Variants in SLCO1B1 observed in about 807,000 individuals in gnomAD.
SLCO1B1 encodes the protein OATP-2.
In SLCO1B1, 81 loss-of-function variants were observed where a neutral mutation model predicts 70.1. The ratio of observed to expected loss-of-function variants is 1.16; its 90% CI spans 0.97 to 1.39. SLCO1B1 has a LOEUF of 1.39. SLCO1B1 is among the 40% of genes most tolerant of loss of function. SLCO1B1 has a pLI of 0.00. For synonymous variants in SLCO1B1, 283 were observed against 271.5 expected (o/e 1.04, Z -0.42); for missense variants, 895 against 799.6 (o/e 1.12, Z -1.44).
chr12:21,176,215 A>C (rs142173786), intron 4 of SLCO1B1, among the ~76,000 whole-genome samples: 2 of 152,276 alleles, frequency 1.3e-5, no homozygotes, highest in Non-Finnish European at 2.9e-5. Context: ...GAAGCTTAGC[A>C]TAATGCCTGG....
intron 2 of SLCO1B1, among the ~76,000 whole-genome samples, chr12:21,160,825 C>T (rs949577580): frequency 6.6e-5 from 10 of 151,934 alleles, no homozygotes; most frequent in Middle Eastern, 3.4e-3. Context: ...GAAAAACAAA[C>T]GGCCTCATTA....
At chr12:21,134,729 T>A (rs1318341477) in intron 1 of SLCO1B1, among the ~76,000 whole-genome samples, 1 of 152,200 alleles carries the variant, frequency 6.6e-6, no homozygotes, top group African/African-American at 2.4e-5. Flanking sequence ...TCTGTTTTCT[T>A]CTTTATTAGT....
chr12:21,136,522 G>T (rs1406820060), intron 1 of SLCO1B1, among the ~76,000 whole-genome samples: 2 of 152,156 alleles, frequency 1.3e-5, no homozygotes, highest in Non-Finnish European at 2.9e-5. Context: ...TGGAGGCTTT[G>T]TTCGTTTCTT....
Position 21,174,635 on chromosome 12 carries a change from G to T in SLCO1B1, c.285G>T (p.Lys95Asn). ...TTGGATCCAAACTACATAGACCAAA[G>T]TTAATTGGAATCGGTTGTTTCATTA... ...SYFGSKLHRP[K>N]LIGIGCFIMG... is the part of the protein sequence containing the mutation. Residue 95 changes from lysine (K) to asparagine (N), a missense_variant, in exon 4 of 15, where the codon AAG becomes AAT. Coordinates refer to ENST00000256958, the MANE Select transcript of SLCO1B1 (RefSeq NM_006446.5). The T allele has an allele frequency of 1.9e-6, 3 of 1,610,622 alleles. No homozygotes were observed. The highest frequency in any genetic ancestry group is 2.5e-6 in the Non-Finnish European group (3 of 1,178,508).
At chr12:21,236,438 T>C (rs1941596198) in intron 14 of SLCO1B1, among the ~76,000 whole-genome samples, 1 of 151,988 alleles carries the variant, frequency 6.6e-6, no homozygotes, top group African/African-American at 2.4e-5. Flanking sequence ...GCACCAACAG[T>C]ATGGCACATC....
In SLCO1B1 at chr12:21,202,615, CT is replaced by C; in HGVS notation, c.1264del (p.Tyr422ThrfsTer17). 1 of 1,612,656 alleles carries C rather than the reference CT, an allele frequency of 6.2e-7. No homozygotes were observed. On this transcript the variant is annotated frameshift_variant, in exon 10 of 15. Coordinates refer to ENST00000256958, the MANE Select transcript of SLCO1B1 (RefSeq NM_006446.5). LOFTEE classifies it high-confidence loss of function. Reference sequence around the variant, plus strand: ...GTTTTACTGCTGTGATGTCATTGTCCTTTTACCTATTATATTTTTTCATACT... The same window carrying C: ...GTTTTACTGCTGTGATGTCATTGTCCTTTACCTATTATATTTTTTCATACT... ...SCFTAVMSLS[F>X]YLLYFFILCE...
chr12:21,207,219 G>A (rs750189693), intron 11 of SLCO1B1, among the ~76,000 whole-genome samples: 1 of 151,904 alleles, frequency 6.6e-6, no homozygotes, highest in Non-Finnish European at 1.5e-5. Flanking sequence ...AAAGTTTAGG[G>A]TACAATCATT....
intron 7 of SLCO1B1, among the ~76,000 whole-genome samples, chr12:21,191,555 T>C (rs765843684): frequency 2.6e-5 from 4 of 152,102 alleles, no homozygotes; most frequent in Non-Finnish European, 4.4e-5. Context: ...GGGTTTTCTA[T>C]ATACAAAATC....
In SLCO1B1 at chr12:21,176,761, G is replaced by C. The variant is rs886049144; in HGVS notation, c.360-15G>C. 3 of 1,514,392 alleles carry C rather than the reference G, an allele frequency of 2.0e-6. No individual in the cohort carries two copies. Among genetic ancestry groups the C allele is most frequent in the Non-Finnish European group, 1.8e-6 (2 of 1,091,804 alleles). 93.8% of individuals were successfully genotyped at this position (1,514,392 alleles called of 1,614,324 possible). On this transcript the variant is annotated splice_polypyrimidine_tract_variant and intron_variant, in intron 4 of 14. Coordinates refer to ENST00000256958, the MANE Select transcript of SLCO1B1 (RefSeq NM_006446.5). ...GTAGATAAGCAAAATGTTTAATTCAGTGATGTTCTTACAGTTACAGGTATT... is the reference window on the plus strand; with the variant it reads ...GTAGATAAGCAAAATGTTTAATTCACTGATGTTCTTACAGTTACAGGTATT...
chr12:21,200,977 C>T (rs4149067), intron 9 of SLCO1B1, among the ~76,000 whole-genome samples: 1 of 151,750 alleles, frequency 6.6e-6, no homozygotes, highest in Non-Finnish European at 1.5e-5. Context: ...TGAGACAAAC[C>T]CTTTTGTAAT....
intron 11 of SLCO1B1, among the ~76,000 whole-genome samples, chr12:21,216,007 A>G (rs1941353622): frequency 6.6e-6 from 1 of 152,172 alleles, no homozygotes; most frequent in African/African-American, 2.4e-5. Flanking sequence ...CTCTTTGCAC[A>G]CTAGCGAAGG....
chr12:21,139,698 C>T (rs986260818), intron 1 of SLCO1B1, among the ~76,000 whole-genome samples: 1 of 152,122 alleles, frequency 6.6e-6, no homozygotes, highest in African/African-American at 2.4e-5. Context: ...CTTTCATGGG[C>T]ATTCACATGC....
chr12:21,189,423 C>G (rs1012280487), intron 7 of SLCO1B1, among the ~76,000 whole-genome samples: 1 of 151,316 alleles, frequency 6.6e-6, no homozygotes, highest in African/African-American at 2.4e-5. Context: ...AATTTCTATT[C>G]AGGTATGTAG....
chr12:21,188,081 A>G (rs1346384950), intron 7 of SLCO1B1, among the ~76,000 whole-genome samples: 1 of 152,202 alleles, frequency 6.6e-6, no homozygotes, highest in Non-Finnish European at 1.5e-5. Flanking sequence ...AAACTAAAGC[A>G]TGTGTTGGAA....
At chr12:21,164,610 A>G (rs1303057325) in intron 2 of SLCO1B1, among the ~76,000 whole-genome samples, 2 of 152,312 alleles carry the variant, frequency 1.3e-5, no homozygotes, top group African/African-American at 4.8e-5. Flanking sequence ...TGACTCCTCA[A>G]TGTTGAACAT....
At chr12:21,188,449 G>A (rs961450546) in intron 7 of SLCO1B1, among the ~76,000 whole-genome samples, 1 of 152,066 alleles carries the variant, frequency 6.6e-6, no homozygotes, top group Non-Finnish European at 1.5e-5. Context: ...CAAAACATGT[G>A]TTAATCAACT....
chr12:21,234,158 C>T (rs930071266), intron 14 of SLCO1B1, among the ~76,000 whole-genome samples: 1 of 152,082 alleles, frequency 6.6e-6, no homozygotes, highest in Non-Finnish European at 1.5e-5. Context: ...GTCAAGAGTT[C>T]TGATTGGTCA....
At position 21,178,654 on chromosome 12, in the gene SLCO1B1, C is replaced by G; in HGVS notation, c.560C>G (p.Pro187Arg). ...GNMLRGIGET[P>R]IVPLGLSYID... is the part of the protein sequence containing the mutation. ...ATGCTTCGTGGAATAGGGGAGACTC[C>G]CATAGTACCATTGGGGCTTTCTTAC... Residue 187 changes from proline (P) to arginine (R), a missense_variant, in exon 6 of 15, where the codon CCC becomes CGC. By Grantham distance (103) the Pro-to-Arg change is moderately radical. Transcript: ENST00000256958. The G allele has an allele frequency of 1.9e-6, 3 of 1,606,542 alleles. No individual in the cohort carries two copies. The highest frequency in any genetic ancestry group is 2.6e-6 in the Non-Finnish European group (3 of 1,173,246).
Position 21,239,006 on chromosome 12 carries a change from G to GT in SLCO1B1, c.1895dup (p.Leu632PhefsTer36). On this transcript the variant is annotated frameshift_variant, in exon 15 of 15. Transcript: ENST00000256958. LOFTEE classifies it low-confidence loss of function (END_TRUNC). ...GGGTCTACTTGGGCTTGTCTTCAAT[G>GT]TTAAGAGTCTCATCACTTGTTTTAT... 1 of 1,581,298 alleles carries GT rather than the reference G, an allele frequency of 6.3e-7. No homozygotes were observed. The highest frequency in any genetic ancestry group is 1.1e-5 in the South Asian group (1 of 89,188).
Sources: allele counts gnomAD v4.1 joint callset (sites outside exome capture counted in the v4.1 genomes callset), GRCh38; gene constraint gnomAD v4.1.1; transcripts MANE v1.5; gene names NCBI Gene and HGNC (gene_info 2026-07-23, HGNC 2026-07-21).